UBN2: variants seen among roughly 807,000 people sequenced by gnomAD.
The protein encoded by UBN2 is ubinuclein 2.
Under a neutral mutation model 120.2 loss-of-function variants are expected in UBN2, and 35 were observed. The ratio of observed to expected loss-of-function variants is 0.29; its 90% CI spans 0.22 to 0.39. UBN2 has a LOEUF of 0.39. UBN2 is among the 10% of genes least tolerant of loss of function. The pLI is 1.00. For synonymous variants in UBN2, 661 were observed against 648.7 expected (o/e 1.02, Z -0.29); for missense variants, 1,693 against 1,663.2 (o/e 1.02, Z -0.31).
the UBN2 span, among the ~76,000 whole-genome samples, chr7:139,317,459 C>T: frequency 2.0e-5 from 3 of 151,846 alleles, no homozygotes; most frequent in Non-Finnish European, 4.4e-5. Flanking sequence ...CACACACTTA[C>T]AATTTTTTAA....
chr7:139,274,824 A>G (rs565014236), intron 11 of UBN2, among the ~76,000 whole-genome samples: 1 of 152,062 alleles, frequency 6.6e-6, no homozygotes, highest in African/African-American at 2.4e-5. Context: ...GCAGTGGTTC[A>G]CACCTGTAAT....
intron 6 of UBN2, among the ~76,000 whole-genome samples, chr7:139,264,394 A>G (rs189933047): frequency 6.6e-6 from 1 of 152,258 alleles, no homozygotes; most frequent in African/African-American, 2.4e-5. Context: ...CATGGAATGT[A>G]GCTAACTCTA....
At chr7:139,250,649 A>G (rs1310801770) in intron 2 of UBN2, among the ~76,000 whole-genome samples, 1 of 152,144 alleles carries the variant, frequency 6.6e-6, no homozygotes, top group East Asian at 1.9e-4. Flanking sequence ...CAGTAGTAAT[A>G]TCTTACATAT....
In UBN2 at chr7:139,298,376, C is replaced by T. The variant is rs1162357250; in HGVS notation, c.*540C>T. 6.6e-6 allele frequency: 1 copy of T among 152,490 alleles called. No individual in the cohort carries two copies. Among genetic ancestry groups the T allele is most frequent in the Non-Finnish European group, 1.5e-5 (1 of 68,300 alleles). The allele number at this position is 152,490 out of a possible 1,614,324, so 9.4% of individuals were successfully genotyped here. On this transcript the variant is annotated 3_prime_UTR_variant, in exon 18 of 18. Transcript: ENST00000473989. ...AGACAGTAGCTGCATAGCACACCCT[C>T]GAAAATCCTGAACAAACTTGAATCT...
chr7:139,255,387 T>TTG lies in UBN2; in HGVS notation c.664-3093_664-3092dup, dbSNP rs1271761092. Among the ~76,000 whole-genome samples the TTG allele has an allele frequency of 2.0e-5, 3 of 152,244 alleles. No homozygotes were observed. The East Asian group carries it at 5.8e-4, about 29-fold the overall frequency. ...TCATTGGTAGACTATACAGTTTTTA[T>TTG]TGTGTGTGTATGTGTGTGCTAGATT... On this transcript the variant is annotated intron_variant, in intron 3 of 17. Coordinates refer to ENST00000473989, the MANE Select transcript of UBN2 (RefSeq NM_173569.4).
At chr7:139,262,826 G>A (rs1371268484) in intron 6 of UBN2, among the ~76,000 whole-genome samples, 1 of 152,112 alleles carries the variant, frequency 6.6e-6, no homozygotes, top group Non-Finnish European at 1.5e-5. Flanking sequence ...CAGAGTAGGT[G>A]GCATAGGTTT....
chr7:139,301,379 C>T lies in UBN2; in HGVS notation c.*3543C>T, dbSNP rs1010740050. ...TCTCCCACACCCCTTTCCACCTATA[C>T]TTGGTTCAAGACATTTTCTGAAACG... On this transcript the variant is annotated 3_prime_UTR_variant, in exon 18 of 18. Coordinates refer to ENST00000473989, the MANE Select transcript of UBN2 (RefSeq NM_173569.4). The T allele has an allele frequency of 6.6e-6, 1 of 152,190 alleles. No individual in the cohort carries two copies. Among genetic ancestry groups the T allele is most frequent in the African/African-American group, 2.4e-5 (1 of 41,450 alleles). 9.4% of individuals were successfully genotyped at this position (152,190 alleles called of 1,614,324 possible). A position where few individuals can be genotyped will look rare whatever the true frequency, so the allele number is the denominator to read the frequency against.
the UBN2 span, among the ~76,000 whole-genome samples, chr7:139,324,773 C>T: frequency 5.3e-5 from 8 of 151,794 alleles, no homozygotes; most frequent in Admixed American, 2.0e-4. Context: ...AAGTTCGAAA[C>T]CAGCCTGGCC....
At position 139,283,383 on chromosome 7, in the gene UBN2, T is replaced by G. The variant is rs746319079; in HGVS notation, c.2478T>G (p.Thr826=). The stretch of plus-strand genomic sequence containing the variant: ...CCAAAAAACTAGATTCTACTCAGAC[T>G]ACACATTCTTCAAGTCTTATTGCTG... ...ATPKKLDSTQ[T]THSSSLIAGH... The change falls in exon 15 of 18, where the codon ACT becomes ACG. Residue 826 remains threonine (T), a synonymous_variant. Transcript: ENST00000473989. 2.5e-6 allele frequency: 4 copies of G among 1,614,042 alleles called. No individual in the cohort carries two copies. The highest frequency in any genetic ancestry group is 3.4e-6 in the Non-Finnish European group (4 of 1,180,016).
chr7:139,273,899 AAAG>A (rs1277602450), intron 10 of UBN2, 29 bp from the exon 11 acceptor site: 2 of 1,548,452 alleles, frequency 1.3e-6, no homozygotes, highest in Non-Finnish European at 1.7e-6. Flanking sequence ...TCTTCTAAAA[AAAG>A]TTTCAAATTT....
At position 139,242,852 on chromosome 7, in the gene UBN2, A is replaced by T. The variant is rs1028664456; in HGVS notation, c.561+5755A>T. 2.0e-5 allele frequency among the ~76,000 whole-genome samples: 3 copies of T among 152,060 alleles called. No individual in the cohort carries two copies. The South Asian group carries it at 6.2e-4, about 31-fold the overall frequency. ...TTGGCTGTATTTCCACTGCCTTGAA[A>T]CTCAGCTCCTTTCTATTGGTAGGTT... On this transcript the variant is annotated intron_variant, in intron 2 of 17. Coordinates refer to ENST00000473989, the MANE Select transcript of UBN2 (RefSeq NM_173569.4).
the UBN2 span, among the ~76,000 whole-genome samples, chr7:139,329,547 TG>T: frequency 6.6e-6 from 1 of 152,192 alleles, no homozygotes; most frequent in African/African-American, 2.4e-5. Context: ...TCATTCCCAC[TG>T]AAACAGAAGT....
the UBN2 span, among the ~76,000 whole-genome samples, chr7:139,323,600 T>G: frequency 7.0e-6 from 1 of 143,348 alleles, no homozygotes; most frequent in East Asian, 2.0e-4. Flanking sequence ...TTATTATTAT[T>G]ATTTTTGAGA....
At position 139,269,538 on chromosome 7, in the gene UBN2, A is replaced by G. The variant is rs1317170842; in HGVS notation, c.1596+15A>G. 1 of 1,612,740 alleles carries G rather than the reference A, an allele frequency of 6.2e-7. No individual in the cohort carries two copies. Among genetic ancestry groups the G allele is most frequent in the Non-Finnish European group, 8.5e-7 (1 of 1,179,558 alleles). ...TCAATGTCCAGGTAAGAGGAAGAACAATAATATCTACATCTTGGGTTTCAT... is the reference window on the plus strand; with the variant it reads ...TCAATGTCCAGGTAAGAGGAAGAACGATAATATCTACATCTTGGGTTTCAT... On this transcript the variant is annotated intron_variant, in intron 8 of 17. Transcript: ENST00000473989.
At chr7:139,270,749 AT>A (rs1016835961) in intron 8 of UBN2, among the ~76,000 whole-genome samples, 34 of 143,910 alleles carry the variant, frequency 2.4e-4, no homozygotes, top group Non-Finnish European at 2.8e-4. Context: ...TCACTTTTTA[AT>A]TTTTTTTTTT....
intron 6 of UBN2, among the ~76,000 whole-genome samples, chr7:139,263,781 A>AG (rs1026814045): frequency 3.3e-5 from 5 of 152,056 alleles, no homozygotes; most frequent in Admixed American, 1.3e-4. Flanking sequence ...AAAAAAAAAA[A>AG]AAATAGGAAT....
At chr7:139,250,622 T>C (rs1796599242) in intron 2 of UBN2, among the ~76,000 whole-genome samples, 1 of 152,114 alleles carries the variant, frequency 6.6e-6, no homozygotes, top group Non-Finnish European at 1.5e-5. Context: ...CATGTGCCTG[T>C]TGAACCCAGC....
chr7:139,306,780 TAAAAG>T lies in UBN2; in HGVS notation c.*8947_*8951del, dbSNP rs1798366156. The T allele has an allele frequency of 6.6e-6, 1 of 152,200 alleles. No homozygotes were observed. The highest frequency in any genetic ancestry group is 6.5e-5 in the Admixed American group (1 of 15,276). 9.4% of individuals were successfully genotyped at this position (152,200 alleles called of 1,614,324 possible). On this transcript the variant is annotated 3_prime_UTR_variant, in exon 18 of 18. Transcript: ENST00000473989. The stretch of plus-strand genomic sequence containing the variant: ...TTCACTTGTTAAACACCCTCAAACT[TAAAAG>T]AAGAAAATAGATCTCCAGCTGGTGA...
At chr7:139,277,335 G>T (rs894278287) in intron 12 of UBN2, 2 of 152,154 alleles carry the variant, frequency 1.3e-5, no homozygotes, top group African/African-American at 4.8e-5. Flanking sequence ...GTAACTTTCA[G>T]CTCTCCCAGA....
Sources: gnomAD v4.1 joint callset for allele counts (sites outside exome capture counted in the v4.1 genomes callset) on GRCh38, gnomAD v4.1.1 for gene constraint, MANE v1.5 for transcripts, NCBI Gene and HGNC (gene_info 2026-07-23, HGNC 2026-07-21) for gene names.